Variants in FAF1 observed in about 807,000 individuals in gnomAD.
FAF1 encodes FAS-associated factor 1.
Under a neutral mutation model 92.5 loss-of-function variants are expected in FAF1, and 25 were observed. The observed-to-expected ratio is 0.27, with a 90% CI of 0.20 to 0.38. FAF1 has a LOEUF of 0.38. Among genes scored for constraint, FAF1 ranks in the 10% least tolerant of loss-of-function variants. The pLI, the probability that FAF1 is intolerant of heterozygous loss-of-function variation, is 1.00. For synonymous variants in FAF1, 234 were observed against 273.2 expected, an observed-to-expected ratio of 0.86 and a Z score of 1.42; for missense variants, 636 against 793.3, an observed-to-expected ratio of 0.80 and a Z score of 2.38.
intron 1 of FAF1, among the ~76,000 whole-genome samples, chr1:50,946,412 A>G (rs1645172726): frequency 6.6e-6 from 1 of 152,166 alleles, no homozygotes; most frequent in South Asian, 2.1e-4. Context: ...CACTTCCCCA[A>G]TATCTCGTCA....
chr1:50,937,588 T>G (rs997394042), intron 1 of FAF1, among the ~76,000 whole-genome samples: 5 of 152,140 alleles, frequency 3.3e-5, no homozygotes, highest in Non-Finnish European at 7.4e-5. Context: ...TACCATATGA[T>G]TCTCATGGTT....
At chr1:50,664,462 A>G (rs996855808) in intron 7 of FAF1, among the ~76,000 whole-genome samples, 2 of 151,664 alleles carry the variant, frequency 1.3e-5, no homozygotes, top group Non-Finnish European at 2.9e-5. Flanking sequence ...AAATGTCCCT[A>G]ACCACTAGAG....
intron 2 of FAF1, among the ~76,000 whole-genome samples, chr1:50,806,260 C>T (rs1176965157): frequency 6.6e-6 from 1 of 152,078 alleles, no homozygotes; most frequent in African/African-American, 2.4e-5. Context: ...ATGAAAAGCA[C>T]ATAAAAAGAT....
intron 12 of FAF1, among the ~76,000 whole-genome samples, chr1:50,575,611 T>TA (rs912850254): frequency 4.2e-4 from 64 of 150,630 alleles, no homozygotes; most frequent in South Asian, 3.1e-3. Context: ...TATATTTTTC[T>TA]AAAAAAAAAA....
At chr1:50,847,254 G>A (rs566431280) in intron 2 of FAF1, among the ~76,000 whole-genome samples, 54 of 151,738 alleles carry the variant, frequency 3.6e-4, no homozygotes, top group Non-Finnish European at 4.7e-4. Context: ...GATAATAAAC[G>A]TGATTTTAGA....
At chr1:50,932,484 C>CA (rs1335658930) in intron 1 of FAF1, among the ~76,000 whole-genome samples, 1 of 152,248 alleles carries the variant, frequency 6.6e-6, no homozygotes, top group East Asian at 1.9e-4. Context: ...TCCTTTGACT[C>CA]CAGGTCTCAC....
intron 1 of FAF1, among the ~76,000 whole-genome samples, chr1:50,875,292 A>G (rs1187914302): frequency 1.3e-5 from 2 of 152,108 alleles, no homozygotes; most frequent in Non-Finnish European, 2.9e-5. Context: ...AAAATTGAAT[A>G]TATTTATCAC....
chr1:50,653,944 A>G (rs965578989), intron 8 of FAF1, among the ~76,000 whole-genome samples: 2 of 152,286 alleles, frequency 1.3e-5, no homozygotes, highest in South Asian at 2.1e-4. Flanking sequence ...CTGGGATTAC[A>G]GGTGTGAGTC....
chr1:50,823,327 G>C (rs949105098), intron 2 of FAF1, among the ~76,000 whole-genome samples: 5 of 152,062 alleles, frequency 3.3e-5, no homozygotes, highest in Non-Finnish European at 5.9e-5. Context: ...AACTGTGCTG[G>C]GTATTGTGAA....
chr1:50,879,310 GACTGGTT>G (rs1243673853), intron 1 of FAF1, among the ~76,000 whole-genome samples: 2 of 152,126 alleles, frequency 1.3e-5, no homozygotes, highest in South Asian at 4.1e-4. Context: ...ATTCATCTAT[GACTGGTT>G]ACCTCAATTC....
intron 7 of FAF1, among the ~76,000 whole-genome samples, chr1:50,669,544 T>G (rs1200746527): frequency 1.3e-5 from 2 of 152,100 alleles, no homozygotes; most frequent in African/African-American, 2.4e-5. Context: ...AATGTTGATT[T>G]AAACATATAG....
intron 18 of FAF1, among the ~76,000 whole-genome samples, chr1:50,453,971 G>A (rs913869667): frequency 1.2e-4 from 19 of 152,212 alleles, no homozygotes; most frequent in African/African-American, 4.1e-4. Context: ...TCTAGGACAA[G>A]TCACTTTTTG....
intron 7 of FAF1, among the ~76,000 whole-genome samples, chr1:50,670,368 G>A (rs1484449359): frequency 6.6e-6 from 1 of 151,914 alleles, no homozygotes; most frequent in East Asian, 1.9e-4. Flanking sequence ...GATTACAGGT[G>A]TGAGCCACGG....
intron 12 of FAF1, among the ~76,000 whole-genome samples, chr1:50,572,540 T>A (rs906319991): frequency 6.6e-6 from 1 of 152,194 alleles, no homozygotes; most frequent in African/African-American, 2.4e-5. Flanking sequence ...ATATGGATGT[T>A]CATAGGTACC....
At chr1:50,503,954 T>A (rs2149017757) in intron 15 of FAF1, among the ~76,000 whole-genome samples, 1 of 152,216 alleles carries the variant, frequency 6.6e-6, no homozygotes, top group East Asian at 1.9e-4. Flanking sequence ...TTCACTATTT[T>A]GATTGTGGTA....
chr1:50,767,606 T>C (rs377603569), intron 4 of FAF1, among the ~76,000 whole-genome samples: 1 of 152,060 alleles, frequency 6.6e-6, no homozygotes, highest in African/African-American at 2.4e-5. Flanking sequence ...AGACTAACAG[T>C]GTACCTTTTG....
intron 1 of FAF1, among the ~76,000 whole-genome samples, chr1:50,938,411 T>C (rs555464576): frequency 1.3e-5 from 2 of 152,324 alleles, no homozygotes; most frequent in South Asian, 4.1e-4. Flanking sequence ...GATGGCTCTG[T>C]ATCCATTATT....
chr1:50,662,869 T>A (rs1655445612), intron 7 of FAF1, among the ~76,000 whole-genome samples: 1 of 150,170 alleles, frequency 6.7e-6, no homozygotes, highest in Non-Finnish European at 1.5e-5. Context: ...CCCGGCTAAT[T>A]TTTTGTATTT....
intron 1 of FAF1, among the ~76,000 whole-genome samples, chr1:50,866,117 G>A (rs1267968610): frequency 6.6e-6 from 1 of 152,046 alleles, no homozygotes; most frequent in East Asian, 1.9e-4. Flanking sequence ...AATCTCAATA[G>A]ATGCAGGAAA....
Sources: gnomAD v4.1 joint callset for allele counts (sites outside exome capture counted in the v4.1 genomes callset) on GRCh38, gnomAD v4.1.1 for gene constraint, MANE v1.5 for transcripts, NCBI Gene and HGNC (gene_info 2026-07-23, HGNC 2026-07-21) for gene names.